CDKAL1: variants seen among roughly 807,000 people sequenced by gnomAD.
The protein encoded by CDKAL1 is CDKAL1 threonylcarbamoyladenosine tRNA methylthiotransferase.
CDKAL1 carries 32 observed loss-of-function variants against 68.2 expected under a neutral mutation model. That is an observed-to-expected ratio of 0.47 (90% CI 0.35 to 0.63). The LOEUF (loss-of-function observed/expected upper bound fraction) is 0.63. Ranked by LOEUF, CDKAL1 falls within the 30% of genes least tolerant of loss-of-function variation. CDKAL1 has a pLI of 0.00. For missense variants in CDKAL1, 606 were observed against 696.7 expected, an observed-to-expected ratio of 0.87 and a Z score of 1.47; for synonymous variants, 234 against 244.3, an observed-to-expected ratio of 0.96 and a Z score of 0.39.
intron 11 of CDKAL1, among the ~76,000 whole-genome samples, chr6:21,038,881 G>A (rs1310272614): frequency 1.3e-5 from 2 of 152,114 alleles, no homozygotes; most frequent in African/African-American, 2.4e-5. Context: ...TCTATGAATG[G>A]AGAAAATATC....
intron 11 of CDKAL1, among the ~76,000 whole-genome samples, chr6:21,052,626 G>A (rs2150913227): frequency 6.7e-6 from 1 of 150,132 alleles, no homozygotes; most frequent in South Asian, 2.1e-4. Flanking sequence ...TCTTTCCTTG[G>A]CCTCCGAAAG....
At position 21,179,225 on chromosome 6, in the gene CDKAL1, T is replaced by C. The variant is rs183599992; in HGVS notation, c.1300-18796T>C. 1.2e-4 allele frequency among the ~76,000 whole-genome samples: 19 copies of C among 152,004 alleles called. No homozygotes were observed. In the East Asian group the frequency reaches 3.5e-3, roughly 28 times the overall value. Reference sequence around the variant, plus strand: ...GAGAGCAGAGAGTGTGGGGTGGAGGTGGGAGAGAATGAGACCTTAGTAGAA... The same window carrying C: ...GAGAGCAGAGAGTGTGGGGTGGAGGCGGGAGAGAATGAGACCTTAGTAGAA... On this transcript the variant is annotated intron_variant, in intron 13 of 15. Coordinates refer to ENST00000274695, the MANE Select transcript of CDKAL1 (RefSeq NM_017774.3).
intron 4 of CDKAL1, among the ~76,000 whole-genome samples, chr6:20,621,216 G>T (rs895275181): frequency 3.3e-5 from 5 of 152,054 alleles, no homozygotes; most frequent in African/African-American, 7.2e-5. Context: ...AGGTGTCCAG[G>T]TTATTATGTA....
At chr6:20,537,018 G>C (rs1763200580) in intron 2 of CDKAL1, among the ~76,000 whole-genome samples, 2 of 152,010 alleles carry the variant, frequency 1.3e-5, no homozygotes, top group South Asian at 4.1e-4. Context: ...GGGCTTAGTT[G>C]GGAATTTTCT....
At chr6:20,706,292 G>A (rs1420769440) in intron 5 of CDKAL1, among the ~76,000 whole-genome samples, 1 of 152,178 alleles carries the variant, frequency 6.6e-6, no homozygotes. Context: ...TGGCTGTAGG[G>A]TTGTGTGAAA....
chr6:20,637,009 C>T (rs1019734763), intron 4 of CDKAL1, among the ~76,000 whole-genome samples: 7 of 147,878 alleles, frequency 4.7e-5, no homozygotes, highest in Admixed American at 2.7e-4. Context: ...TGCACTCCAG[C>T]CTGGGTGACA....
chr6:21,205,439 C>T (rs1327611513), intron 15 of CDKAL1, among the ~76,000 whole-genome samples: 1 of 151,922 alleles, frequency 6.6e-6, no homozygotes, highest in Non-Finnish European at 1.5e-5. Context: ...GGGTTCCAGT[C>T]TCTCCACATT....
chr6:21,069,850 C>T lies in CDKAL1; in HGVS notation c.1236+4622C>T, dbSNP rs372161648. 7.9e-5 allele frequency among the ~76,000 whole-genome samples: 10 copies of T among 125,850 alleles called. No homozygotes were observed. The East Asian group carries it at 8.5e-4, about 11-fold the overall frequency. 82.6% of individuals were successfully genotyped at this position (125,850 alleles called of 152,430 possible). A position where few individuals can be genotyped will look rare whatever the true frequency, so the allele number is the denominator to read the frequency against. Reference sequence around the variant, plus strand: ...CACCCAGGCTGGAGTGCTGCAGTGGCGCCATCTCAGCTCACTGCAAGCTCC... The same window carrying T: ...CACCCAGGCTGGAGTGCTGCAGTGGTGCCATCTCAGCTCACTGCAAGCTCC... On this transcript the variant is annotated intron_variant, in intron 12 of 15. Transcript: ENST00000274695.
At chr6:20,767,676 T>C (rs1774760221) in intron 7 of CDKAL1, among the ~76,000 whole-genome samples, 1 of 152,194 alleles carries the variant, frequency 6.6e-6, no homozygotes, top group African/African-American at 2.4e-5. Context: ...GTTATGGATC[T>C]TTTCTTAGAA....
At chr6:21,054,900 C>CA (rs201866833) in intron 11 of CDKAL1, among the ~76,000 whole-genome samples, 150 of 143,838 alleles carry the variant, frequency 1.0e-3, no homozygotes, top group African/African-American at 2.3e-3. Context: ...GTCACCTGCC[C>CA]AAAAAAAAAA....
chr6:20,621,533 T>G (rs146764805), intron 4 of CDKAL1, among the ~76,000 whole-genome samples: 12 of 152,280 alleles, frequency 7.9e-5, no homozygotes, highest in Non-Finnish European at 1.5e-4. Flanking sequence ...GAGTGGTGTA[T>G]CTACATAATT....
rs143823471 is a variant in CDKAL1, at chr6:20,628,240, G to C, written c.287-21053G>C. Among the ~76,000 whole-genome samples, 600 of 152,252 alleles carry C rather than the reference G, an allele frequency of 3.9e-3. 3 individuals are homozygous for C. The highest frequency in any genetic ancestry group is 0.013 in the African/African-American group (540 of 41,558). ...ATGTTACCTCTGGGATTTTTTGGTAGATGCTCTTTATGTGTTTGAGGTAAA... is the reference window on the plus strand; with the variant it reads ...ATGTTACCTCTGGGATTTTTTGGTACATGCTCTTTATGTGTTTGAGGTAAA... On this transcript the variant is annotated intron_variant, in intron 4 of 15. Transcript: ENST00000274695.
intron 8 of CDKAL1, among the ~76,000 whole-genome samples, chr6:20,834,153 G>A (rs1187347372): frequency 4.6e-5 from 7 of 152,082 alleles, no homozygotes; most frequent in African/African-American, 7.2e-5. Flanking sequence ...TTCCATTTAC[G>A]GTGACAATAG....
intron 11 of CDKAL1, among the ~76,000 whole-genome samples, chr6:21,023,542 A>G (rs962755498): frequency 6.6e-6 from 1 of 152,000 alleles, no homozygotes; most frequent in African/African-American, 2.4e-5. Context: ...TTTTTTTTCC[A>G]TACCCCTGTC....
chr6:20,626,026 G>A (rs1767416589), intron 4 of CDKAL1, among the ~76,000 whole-genome samples: 1 of 152,134 alleles, frequency 6.6e-6, no homozygotes, highest in Admixed American at 6.6e-5. Flanking sequence ...GTGGGTGGTG[G>A]AGGGTCCCAC....
At chr6:20,826,411 GAATTGTTTTGGAAGTTAT>G (rs1486624564) in intron 8 of CDKAL1, among the ~76,000 whole-genome samples, 1 of 152,036 alleles carries the variant, frequency 6.6e-6, no homozygotes, top group Non-Finnish European at 1.5e-5. Flanking sequence ...CAGGTGTTTT[GAATTGTTTTGGAAGTTAT>G]AAATGGAATT....
At chr6:21,103,590 C>T (rs1437047976) in intron 12 of CDKAL1, among the ~76,000 whole-genome samples, 1 of 151,978 alleles carries the variant, frequency 6.6e-6, no homozygotes, top group Non-Finnish European at 1.5e-5. Flanking sequence ...TTTTTTAAAC[C>T]CACGGCAGCC....
chr6:20,827,177 G>C (rs933601386), intron 8 of CDKAL1, among the ~76,000 whole-genome samples: 2 of 152,208 alleles, frequency 1.3e-5, no homozygotes, highest in African/African-American at 4.8e-5. Flanking sequence ...GTTGGAGCCA[G>C]ACCGTCTGGA....
chr6:20,550,686 A>G (rs1763784684), intron 4 of CDKAL1, among the ~76,000 whole-genome samples: 1 of 152,010 alleles, frequency 6.6e-6, no homozygotes, highest in African/African-American at 2.4e-5. Flanking sequence ...ACCCACACAT[A>G]TGCACGCATC....
Sources: gnomAD v4.1 joint callset for allele counts (sites outside exome capture counted in the v4.1 genomes callset) on GRCh38, gnomAD v4.1.1 for gene constraint, MANE v1.5 for transcripts, NCBI Gene and HGNC (gene_info 2026-07-23, HGNC 2026-07-21) for gene names.